Variants in CASK observed in about 807,000 individuals in gnomAD.
The protein encoded by CASK is peripheral plasma membrane protein CASK.
Under a neutral mutation model 82.9 loss-of-function variants are expected in CASK, and 4 were observed. The observed-to-expected ratio is 0.05, with a 90% CI of 0.02 to 0.11. The LOEUF is 0.11. Ranked by LOEUF, CASK falls within the 10% of genes least tolerant of loss-of-function variation. CASK has a pLI of 1.00. For missense variants in CASK, 358 were observed against 720.9 expected (o/e 0.50, Z 5.76); for synonymous variants, 259 against 253.5 (o/e 1.02, Z -0.20).
chrX:41,701,793 T>C (rs2067797442), intron 5 of CASK, among the ~76,000 whole-genome samples: 1 of 112,305 alleles, frequency 8.9e-6, no homozygotes, highest in Non-Finnish European at 1.9e-5. Context: ...AAAGTAACAT[T>C]TGTTTATTTA....
rs191360564 is a variant in CASK at position 41,648,275 on chromosome X, G to A, written c.832-11614C>T. Among the ~76,000 whole-genome samples the A allele has an allele frequency of 1.6e-3, 177 of 111,097 alleles. No homozygotes were observed. The Middle Eastern group carries it at 0.028, about 17-fold the overall frequency. On this transcript the variant is annotated intron_variant, in intron 8 of 26. Transcript: ENST00000378163. ...GGCTTATTAGGAAGAGGAAATTCCC[G>A]CCTAATAGATTTTAGTCAGACCAGT...
At chrX:41,716,731 G>T (rs888999777) in intron 5 of CASK, among the ~76,000 whole-genome samples, 5 of 111,669 alleles carry the variant, frequency 4.5e-5, no homozygotes. Flanking sequence ...CTCCTAAGGG[G>T]TGGCTTGTGC....
At chrX:41,871,515 C>T (rs1238117459) in intron 1 of CASK, among the ~76,000 whole-genome samples, 1 of 111,521 alleles carries the variant, frequency 9.0e-6, no homozygotes, top group East Asian at 2.8e-4. Context: ...ATAAGAAAGA[C>T]TGAAAGAAGA....
intron 2 of CASK, among the ~76,000 whole-genome samples, chrX:41,852,565 T>C (rs910571250): frequency 7.2e-5 from 8 of 111,654 alleles, no homozygotes; most frequent in Non-Finnish European, 1.9e-5. Flanking sequence ...TAAATATGAT[T>C]ATCTATAATA....
intron 3 of CASK, among the ~76,000 whole-genome samples, chrX:41,784,483 G>C (rs767888457): frequency 8.1e-5 from 9 of 111,629 alleles, no homozygotes; most frequent in Admixed American, 5.7e-4. Flanking sequence ...TGATTTGGCT[G>C]AGTGATTTGA....
At chrX:41,815,209 A>G (rs1450000343) in intron 2 of CASK, among the ~76,000 whole-genome samples, 9 of 112,327 alleles carry the variant, frequency 8.0e-5, no homozygotes, top group Non-Finnish European at 1.3e-4. Flanking sequence ...GAGATACTGC[A>G]GTTCTAACCA....
At chrX:41,648,410 T>C in intron 8 of CASK, among the ~76,000 whole-genome samples, 1 of 111,606 alleles carries the variant, frequency 9.0e-6, no homozygotes, top group East Asian at 2.8e-4. Context: ...GATCTCGCCC[T>C]GCCTCCACTT....
At chrX:41,905,227 A>G (rs1012093616) in intron 1 of CASK, among the ~76,000 whole-genome samples, 2 of 112,264 alleles carry the variant, frequency 1.8e-5, no homozygotes, top group Non-Finnish European at 3.8e-5. Context: ...GTAAATATAC[A>G]TTTTTAATTC....
intron 1 of CASK, among the ~76,000 whole-genome samples, chrX:41,909,153 C>G (rs979599976): frequency 5.4e-5 from 6 of 111,808 alleles, no homozygotes; most frequent in African/African-American, 2.0e-4. Flanking sequence ...AGGGCCAGAG[C>G]AGGGCCTAAG....
intron 3 of CASK, among the ~76,000 whole-genome samples, chrX:41,763,327 G>T (rs947698817): frequency 7.2e-5 from 8 of 110,762 alleles, no homozygotes; most frequent in Non-Finnish European, 1.3e-4. Flanking sequence ...TTTTTTCCTA[G>T]TTCCTATGAG....
Position 41,542,525 on chromosome X carries a change from T to C in CASK, c.2155+166A>G, listed in dbSNP as rs145486478. 1.1e-3 allele frequency among the ~76,000 whole-genome samples: 119 copies of C among 112,793 alleles called. 2 individuals are homozygous for C. In the East Asian group the frequency reaches 0.024, roughly 23 times the overall value. ...TAAAATATCTAGCAAATAATCAACA[T>C]ATTAATTGGAGGTAGGGGTTTCTTA... On this transcript the variant is annotated intron_variant, in intron 22 of 26. Coordinates refer to ENST00000378163, the MANE Select transcript of CASK (RefSeq NM_001367721.1).
intron 5 of CASK, among the ~76,000 whole-genome samples, chrX:41,699,979 C>A (rs2067762486): frequency 8.9e-6 from 1 of 111,955 alleles, no homozygotes; most frequent in East Asian, 2.8e-4. Flanking sequence ...TAGAAGCATA[C>A]AGGAAAAGGA....
At chrX:41,882,354 C>T (rs1288945560) in intron 1 of CASK, among the ~76,000 whole-genome samples, 1 of 111,648 alleles carries the variant, frequency 9.0e-6, no homozygotes, top group Non-Finnish European at 1.9e-5. Flanking sequence ...GAAGTCACAA[C>T]ACTACAACAT....
At chrX:41,612,594 C>A (rs2066096093) in intron 11 of CASK, among the ~76,000 whole-genome samples, 1 of 103,313 alleles carries the variant, frequency 9.7e-6, no homozygotes, top group Non-Finnish European at 2.0e-5. Flanking sequence ...TGCCCAGCCG[C>A]CCCTACTGGG....
rs927551184 is a variant in CASK at position 41,787,435 on chromosome X, C to G, written c.173-152G>C. ...ATTTAAACTTAGCTTAACTTTTTAC[C>G]CTTTAAAATCTTTGACTATAGCTTT... On this transcript the variant is annotated intron_variant, in intron 2 of 26. Transcript: ENST00000378163. 7 of 456,517 alleles carry G rather than the reference C, an allele frequency of 1.5e-5. No individual in the cohort carries two copies. In the South Asian group the frequency reaches 2.2e-4, roughly 14 times the overall value. The allele number at this position is 456,517 out of a possible 1,213,427, so 37.6% of individuals were successfully genotyped here.
At chrX:41,734,901 A>G (rs2068472250) in intron 5 of CASK, among the ~76,000 whole-genome samples, 1 of 112,010 alleles carries the variant, frequency 8.9e-6, no homozygotes, top group Admixed American at 9.5e-5. Flanking sequence ...CTTTTTATGC[A>G]GTTTTATGTG....
chrX:41,614,810 C>A (rs1244144422), intron 11 of CASK, among the ~76,000 whole-genome samples: 1 of 109,533 alleles, frequency 9.1e-6, no homozygotes, highest in Admixed American at 9.7e-5. Context: ...TGAGCCACTG[C>A]GCCTGGCCTG....
At chrX:41,661,513 A>G (rs2147468141) in intron 7 of CASK, among the ~76,000 whole-genome samples, 1 of 111,930 alleles carries the variant, frequency 8.9e-6, no homozygotes, top group African/African-American at 3.2e-5. Context: ...AACATTTTAA[A>G]GCCAAATGAA....
chrX:41,913,796 T>C (rs765989382), intron 1 of CASK, among the ~76,000 whole-genome samples: 67 of 112,291 alleles, frequency 6.0e-4, no homozygotes, highest in African/African-American at 2.0e-3. Context: ...AAATGGTTTG[T>C]GAAGCAGCTA....
Sources: gnomAD v4.1 joint callset for allele counts (sites outside exome capture counted in the v4.1 genomes callset) on GRCh38, gnomAD v4.1.1 for gene constraint, MANE v1.5 for transcripts, NCBI Gene and HGNC (gene_info 2026-07-23, HGNC 2026-07-21) for gene names.